The following ANO2 variants were observed in gnomAD, a reference collection of about 807,000 sequenced individuals.
ANO2 encodes anoctamin 2, also known as anoctamin-2.
A neutral mutation model predicts 124.2 loss-of-function variants in ANO2; 101 were observed. The observed-to-expected ratio is 0.81, with a 90% confidence interval of 0.69 to 0.96. ANO2 has a LOEUF of 0.96. Among genes scored for constraint, ANO2 ranks in the 40% least tolerant of loss-of-function variants. ANO2 has a pLI of 0.00. For synonymous variants in ANO2, 486 were observed against 482.5 expected, an observed-to-expected ratio of 1.01 and a Z score of -0.09; for missense variants, 1,293 against 1,274.5, an observed-to-expected ratio of 1.01 and a Z score of -0.22.
At chr12:5,728,672 C>G (rs1210323784) in intron 14 of ANO2, among the ~76,000 whole-genome samples, 1 of 151,978 alleles carries the variant, frequency 6.6e-6, no homozygotes, top group Non-Finnish European at 1.5e-5. Flanking sequence ...GCAAAACACC[C>G]AGAATGGTCA....
intron 3 of ANO2, chr12:5,858,799 T>A (rs1955183471): frequency 6.6e-6 from 1 of 152,244 alleles, no homozygotes. Context: ...TATCTGAAAC[T>A]TCTTCTGTAT....
chr12:5,665,483 G>A (rs1443383241), intron 14 of ANO2, among the ~76,000 whole-genome samples: 1 of 152,174 alleles, frequency 6.6e-6, no homozygotes, highest in African/African-American at 2.4e-5. Flanking sequence ...CCTCCCTCTT[G>A]TAGCTCTTTC....
intron 3 of ANO2, among the ~76,000 whole-genome samples, chr12:5,906,267 A>G (rs1035201538): frequency 2.0e-5 from 3 of 151,510 alleles, no homozygotes; most frequent in East Asian, 1.9e-4. Flanking sequence ...ACAATGTATT[A>G]TCTTTGCTAG....
At chr12:5,934,033 T>A (rs1175770349) in intron 1 of ANO2, among the ~76,000 whole-genome samples, 2 of 152,198 alleles carry the variant, frequency 1.3e-5, no homozygotes, top group African/African-American at 4.8e-5. Context: ...ACAGGATGGA[T>A]TCCCCTGTGC....
intron 1 of ANO2, among the ~76,000 whole-genome samples, chr12:5,931,135 T>C (rs971306308): frequency 1.3e-5 from 2 of 152,218 alleles, no homozygotes; most frequent in African/African-American, 2.4e-5. Flanking sequence ...TGTGGTTGCC[T>C]ACTCTTCTTA....
intron 16 of ANO2, among the ~76,000 whole-genome samples, chr12:5,628,731 T>C (rs1430959991): frequency 6.6e-6 from 1 of 152,210 alleles, no homozygotes; most frequent in Non-Finnish European, 1.5e-5. Context: ...CATGCATGTG[T>C]ACAAGTGTGT....
intron 10 of ANO2, among the ~76,000 whole-genome samples, chr12:5,779,123 T>C (rs1471461486): frequency 1.3e-5 from 2 of 152,248 alleles, no homozygotes; most frequent in Non-Finnish European, 1.5e-5. Flanking sequence ...CAGGATTCTA[T>C]ACCTAAAATG....
chr12:5,662,874 C>T (rs879220734), intron 14 of ANO2, among the ~76,000 whole-genome samples: 1 of 152,166 alleles, frequency 6.6e-6, no homozygotes, highest in African/African-American at 2.4e-5. Flanking sequence ...TTGGGTAGGA[C>T]ATGGGGAAGC....
At chr12:5,747,283 G>C (rs1466159586) in intron 11 of ANO2, among the ~76,000 whole-genome samples, 1 of 152,204 alleles carries the variant, frequency 6.6e-6, no homozygotes, top group South Asian at 2.1e-4. Context: ...CAGGAATACT[G>C]TAAGTTTTTA....
intron 19 of ANO2, among the ~76,000 whole-genome samples, chr12:5,603,115 G>A (rs536878993): frequency 1.3e-5 from 2 of 152,152 alleles, no homozygotes; most frequent in Non-Finnish European, 2.9e-5. Context: ...AAAGAAAGAA[G>A]GTATTGAAGC....
intron 15 of ANO2, among the ~76,000 whole-genome samples, chr12:5,638,004 C>A (rs1168122155): frequency 1.3e-5 from 2 of 152,094 alleles, no homozygotes; most frequent in East Asian, 1.9e-4. Context: ...TCTTCTGGAT[C>A]ATGGTAGAAA....
intron 10 of ANO2, among the ~76,000 whole-genome samples, chr12:5,751,614 G>C (rs892254487): frequency 1.3e-5 from 2 of 152,144 alleles, no homozygotes; most frequent in African/African-American, 4.8e-5. Flanking sequence ...TTGCAGATAA[G>C]TATACACCCA....
At position 5,750,891 on chromosome 12, in the gene ANO2, T is replaced by A. The variant is rs71579301; in HGVS notation, c.1135A>T (p.Ile379Phe). The A allele has an allele frequency of 2.9e-4, 460 of 1,612,508 alleles. No homozygotes were observed. Among genetic ancestry groups the A allele is most frequent in the Middle Eastern group, 1.3e-3 (8 of 6,062 alleles). The change falls in exon 11 of 25, where the codon ATT becomes TTT. Residue 379 changes from isoleucine (I) to phenylalanine (F), a missense_variant. Coordinates refer to ENST00000682330, the MANE Select transcript of ANO2 (RefSeq NM_001364791.2). Reference sequence around the variant, plus strand: ...CCATAAAGAAACACAATCACTCCAATTACAGAAGATGGGATGAGGAATGAT... The same window carrying A: ...CCATAAAGAAACACAATCACTCCAAATACAGAAGATGGGATGAGGAATGAT... ...YTSFLIPSSV[I>F]GVIVFLYGCA... is the part of the protein sequence containing the mutation.
At chr12:5,751,086 C>T (rs989964711) in intron 10 of ANO2, 116 bp from the exon 11 acceptor site, 21 of 1,063,170 alleles carry the variant, frequency 2.0e-5, no homozygotes, top group East Asian at 1.4e-4. Flanking sequence ...CCTCTTGTGA[C>T]GAAAACAAAG....
intron 3 of ANO2, among the ~76,000 whole-genome samples, chr12:5,871,833 A>G (rs1822153339): frequency 1.3e-5 from 2 of 152,178 alleles, no homozygotes; most frequent in South Asian, 2.1e-4. Flanking sequence ...ACTGGTGGGG[A>G]GTGCAACCAT....
chr12:5,723,044 G>A (rs1225435193), intron 14 of ANO2, among the ~76,000 whole-genome samples: 1 of 152,152 alleles, frequency 6.6e-6, no homozygotes, highest in Admixed American at 6.5e-5. Context: ...ACACACTGTG[G>A]GTACACTGTG....
intron 3 of ANO2, among the ~76,000 whole-genome samples, chr12:5,914,260 C>A (rs541657048): frequency 1.8e-4 from 28 of 152,220 alleles, no homozygotes; most frequent in African/African-American, 6.7e-4. Context: ...GTCCTCTCTG[C>A]TAAATGGGCC....
At chr12:5,817,514 G>T (rs1001548184) in intron 7 of ANO2, among the ~76,000 whole-genome samples, 2 of 152,184 alleles carry the variant, frequency 1.3e-5, no homozygotes, top group African/African-American at 4.8e-5. Context: ...GCAAGAAAGA[G>T]ATTCGGTTTG....
At chr12:5,578,621 T>C in intron 20 of ANO2, 103 bp from the exon 21 acceptor site, 1 of 1,225,410 alleles carries the variant, frequency 8.2e-7, no homozygotes, top group South Asian at 1.6e-5. Context: ...TTGGGTATCT[T>C]TCCCATATGG....
Sources: gnomAD v4.1 joint callset for allele counts (sites outside exome capture counted in the v4.1 genomes callset) on GRCh38, gnomAD v4.1.1 for gene constraint, MANE v1.5 for transcripts, NCBI Gene and HGNC (gene_info 2026-07-23, HGNC 2026-07-21) for gene names.